LY6G5B: variants seen among roughly 807,000 people sequenced by gnomAD.
LY6G5B encodes the protein lymphocyte antigen 6 family member G5B.
In LY6G5B, 6 loss-of-function variants were observed where a neutral mutation model predicts 6.7. That is an observed-to-expected ratio of 0.89 (90% confidence interval 0.49 to 1.76). LY6G5B has a LOEUF of 1.76. Ranked by LOEUF, LY6G5B falls within the 40% of genes most tolerant of loss-of-function variation. The pLI is 0.01. For synonymous variants in LY6G5B, 98 were observed against 99.4 expected (o/e 0.99, Z 0.09); for missense variants, 240 against 249.5 (o/e 0.96, Z 0.26).
At chr6:31,671,281 T>C (rs1450594792) in exon 2 of LY6G5B, 1 of 1,613,202 alleles carries the variant, frequency 6.2e-7, no homozygotes, top group Non-Finnish European at 8.5e-7. Context: ...CACCATCTAT[T>C]ATGGTAAATA....
exon 3 of LY6G5B, chr6:31,673,496 C>T (rs1802384586): frequency 6.6e-6 from 1 of 152,442 alleles, no homozygotes; most frequent in Non-Finnish European, 1.5e-5. Context: ...CTGTTCTGCT[C>T]AGCTCCATGT....
At chr6:31,672,676 C>G (rs533446634) in exon 3 of LY6G5B, 1 of 194,072 alleles carries the variant, frequency 5.2e-6, no homozygotes, top group Non-Finnish European at 1.1e-5. Flanking sequence ...GAACTCCTGA[C>G]CTCGTAATCT....
At chr6:31,672,360 G>A (rs1271586703) in exon 3 of LY6G5B, 3 of 1,464,164 alleles carry the variant, frequency 2.0e-6, no homozygotes, top group Non-Finnish European at 2.8e-6. Context: ...ACATTCTTTG[G>A]TCACTGTGAT....
chr6:31,672,552 C>T (rs957002734), exon 3 of LY6G5B: 1 of 488,984 alleles, frequency 2.0e-6, no homozygotes, highest in African/African-American at 2.0e-5. Flanking sequence ...TCCAGCGATT[C>T]TCCTGCCTCA....
chr6:31,671,341 C>T, intron 2 of LY6G5B, 57 bp downstream of exon 2: 2 of 1,609,146 alleles, frequency 1.2e-6, no homozygotes, highest in Non-Finnish European at 8.5e-7. Flanking sequence ...TTGGTCTTCT[C>T]TCCTCTCACA....
rs968304494 is a variant in LY6G5B at position 31,671,350 on chromosome 6, C to T, written c.187+66C>T. ...AATGGCTTGGTCTTCTCTCCTCTCA[C>T]AGATCAGGGCTGCTCCGGGCATGGG... is the stretch of plus-strand genomic sequence containing the variant. On this transcript the variant is annotated intron_variant, in intron 2 of 2. Transcript: ENST00000375864. The T allele has an allele frequency of 5.0e-6, 8 of 1,604,988 alleles. No homozygotes were observed. The Admixed American group carries it at 1.2e-4, about 23-fold the overall frequency.
exon 1 of LY6G5B, chr6:31,670,799 C>A (rs1333123194): frequency 2.6e-6 from 2 of 755,450 alleles, no homozygotes; most frequent in Non-Finnish European, 4.3e-6. Flanking sequence ...CAGGATCCTG[C>A]CCCAAGTAGG....
exon 3 of LY6G5B, chr6:31,672,412 C>T (rs1802302279): frequency 9.7e-7 from 1 of 1,035,162 alleles, no homozygotes; most frequent in Admixed American, 2.5e-5. Context: ...ATCTATATGA[C>T]TTTTGTGTAA....
rs1802186976 is a variant in LY6G5B at position 31,671,228 on chromosome 6, CAG to C, written c.135_136del (p.Lys46ValfsTer17). 6.2e-7 allele frequency: 1 copy of C among 1,614,032 alleles called. No homozygotes were observed. Among genetic ancestry groups the C allele is most frequent in the East Asian group, 2.2e-5 (1 of 44,888 alleles). ...CCTTCTGTAGGATGCATTTCAGGCT[CAG>C]AGAAGTGTACCATCAGCAGCTCATC... On this transcript the variant is annotated frameshift_variant, in exon 2 of 3. Coordinates refer to ENST00000375864, the Ensembl canonical transcript of LY6G5B. LOFTEE classifies it high-confidence loss of function.
At chr6:31,670,651 C>G (rs1802141976) in exon 1 of LY6G5B, 1 of 434,400 alleles carries the variant, frequency 2.3e-6, no homozygotes, top group African/African-American at 2.0e-5. Flanking sequence ...GTATGCAAGA[C>G]AAAGGTAGAC....
chr6:31,672,442 G>C, exon 3 of LY6G5B: 1 of 844,862 alleles, frequency 1.2e-6, no homozygotes, highest in Non-Finnish European at 1.8e-6. Context: ...TTGAACTCTG[G>C]TGCTGTTTTT....
At chr6:31,671,970 C>T (rs1802259126) in exon 3 of LY6G5B, 12 of 1,613,002 alleles carry the variant, frequency 7.4e-6, no homozygotes, top group Non-Finnish European at 1.0e-5. Context: ...AGGCCCAGTG[C>T]TGTCAGTACG....
exon 3 of LY6G5B, chr6:31,672,524 A>C: frequency 1.8e-6 from 1 of 542,526 alleles, no homozygotes; most frequent in Admixed American, 3.6e-5. Context: ...TGCTCACTAC[A>C]ACCTCCACCT....
exon 3 of LY6G5B, chr6:31,673,117 T>C (rs909615012): frequency 1.3e-5 from 2 of 151,898 alleles, no homozygotes; most frequent in African/African-American, 4.8e-5. Flanking sequence ...AATAGAAAAA[T>C]CAGCTGGGTG....
exon 1 of LY6G5B, chr6:31,670,265 G>A: frequency 3.2e-6 from 1 of 314,214 alleles, no homozygotes; most frequent in Non-Finnish European, 5.8e-6. Context: ...AGGTCAAAAG[G>A]AAAAGACAAA....
In LY6G5B at chr6:31,671,268, GA is replaced by G. The variant is rs1375410583; in HGVS notation, c.172del (p.Ile58SerfsTer83). The G allele has an allele frequency of 3.7e-6, 6 of 1,613,680 alleles. No homozygotes were observed. Among genetic ancestry groups the G allele is most frequent in the African/African-American group, 2.7e-5 (2 of 75,026 alleles). On this transcript the variant is annotated frameshift_variant, in exon 2 of 3. Coordinates refer to ENST00000375864, the Ensembl canonical transcript of LY6G5B. LOFTEE classifies it low-confidence loss of function (END_TRUNC). Reference sequence around the variant, plus strand: ...TCAGCAGCTCATCCCTGTGCATGGTGATCACCATCTATTATGGTAAATAAGG... The same window carrying G: ...TCAGCAGCTCATCCCTGTGCATGGTGTCACCATCTATTATGGTAAATAAGG...
chr6:31,670,013 A>T, upstream of LY6G5B: 1 of 1,087,664 alleles, frequency 9.2e-7, no homozygotes, highest in Non-Finnish European at 1.3e-6. Context: ...TTTAGTTTAA[A>T]TTAAAGGAGT....
exon 1 of LY6G5B, chr6:31,670,771 A>G (rs1802149934): frequency 1.6e-6 from 1 of 633,224 alleles, no homozygotes; most frequent in Non-Finnish European, 2.7e-6. Context: ...CCTGCCAAGT[A>G]ATAACTTCCT....
chr6:31,673,387 CTT>C (rs1410380722), exon 3 of LY6G5B: 1 of 152,822 alleles, frequency 6.5e-6, no homozygotes, highest in African/African-American at 2.4e-5. Context: ...CCTGTCCTCT[CTT>C]GCTCTCTTGT....
Sources: allele counts gnomAD v4.1 joint callset, GRCh38; gene constraint gnomAD v4.1.1; transcripts MANE v1.5; gene names NCBI Gene and HGNC (gene_info 2026-07-23, HGNC 2026-07-21).